Variants in RYR3 observed in about 807,000 individuals in gnomAD.
The protein encoded by RYR3 is brain ryanodine receptor-calcium release channel.
Under a neutral mutation model 584.3 loss-of-function variants are expected in RYR3, and 207 were observed. The observed-to-expected ratio is 0.35, with a 90% CI of 0.32 to 0.40. The LOEUF (loss-of-function observed/expected upper bound fraction) is 0.40, where lower values mean the gene tolerates loss of function less well. RYR3 is among the 10% of genes least tolerant of loss of function. The probability of loss-of-function intolerance (pLI) is 1.00; values close to 1 mark genes in which losing one functional copy is unlikely to be tolerated. For missense variants in RYR3, 5,616 were observed against 6,089.2 expected, an observed-to-expected ratio of 0.92 and a Z score of 2.59; for synonymous variants, 2,416 against 2,248.5, an observed-to-expected ratio of 1.07 and a Z score of -2.11.
Position 33,848,300 on chromosome 15 carries a change from G to T in RYR3, c.13507G>T (p.Val4503Leu). Residue 4503 changes from valine (V) to leucine (L), a missense_variant, in exon 94 of 104, where the codon GTG becomes TTG. Val to Leu is a conservative substitution (Grantham distance 32). Transcript: ENST00000634891. ...CTCCTCCCACTCCTAGGTGCCTTTG[G>T]TGGTTTTCAAAAGGGAAAAAGAAAT... ...VGYYCLKVPL[V>L]VFKREKEIAR... 6.2e-7 allele frequency: 1 copy of T among 1,613,614 alleles called. No homozygotes were observed. The highest frequency in any genetic ancestry group is 8.5e-7 in the Non-Finnish European group (1 of 1,179,888).
chr15:33,457,310 C>A (rs1282128653), intron 1 of RYR3, among the ~76,000 whole-genome samples: 1 of 152,182 alleles, frequency 6.6e-6, no homozygotes, highest in African/African-American at 2.4e-5. Context: ...TCTTATGCAA[C>A]ACTATCTACA....
At chr15:33,815,270 C>T (rs776758600) in intron 74 of RYR3, 4 of 152,138 alleles carry the variant, frequency 2.6e-5, no homozygotes, top group South Asian at 2.1e-4. Flanking sequence ...ATTCATAGCC[C>T]GTTAGAAAAA....
intron 30 of RYR3, among the ~76,000 whole-genome samples, chr15:33,647,854 T>C (rs2062190686): frequency 6.6e-6 from 1 of 152,148 alleles, no homozygotes; most frequent in Non-Finnish European, 1.5e-5. Flanking sequence ...CTAGGAGTGA[T>C]GTTAAAAGCA....
At chr15:33,746,202 C>T (rs944212279) in intron 53 of RYR3, 45 bp downstream of exon 53, 1 of 1,327,338 alleles carries the variant, frequency 7.5e-7, no homozygotes, top group Non-Finnish European at 1.1e-6. Flanking sequence ...ATGCTGTTTC[C>T]TTCCTTGAGT....
At chr15:33,543,589 C>T (rs779356037) in intron 7 of RYR3, 33 bp from the exon 8 acceptor site, 1 of 1,337,294 alleles carries the variant, frequency 7.5e-7, no homozygotes, top group East Asian at 2.3e-5. Context: ...TTAAACTTCC[C>T]ATCATTCACA....
intron 86 of RYR3, 122 bp downstream of exon 86, chr15:33,831,213 C>A (rs1399998181): frequency 4.1e-5 from 37 of 894,348 alleles, no homozygotes; most frequent in Admixed American, 7.0e-5. Flanking sequence ...CTAATGCTGA[C>A]AATTTTTATT....
At chr15:33,469,466 G>A (rs2048750581) in intron 1 of RYR3, among the ~76,000 whole-genome samples, 1 of 151,958 alleles carries the variant, frequency 6.6e-6, no homozygotes, top group Non-Finnish European at 1.5e-5. Context: ...TAATAGCCTT[G>A]TCTTGGTCTC....
At chr15:33,563,481 T>A (rs2057527178) in intron 11 of RYR3, among the ~76,000 whole-genome samples, 1 of 151,960 alleles carries the variant, frequency 6.6e-6, no homozygotes, top group Non-Finnish European at 1.5e-5. Flanking sequence ...ATCCACAGAG[T>A]GTATCTTGAT....
intron 1 of RYR3, among the ~76,000 whole-genome samples, chr15:33,330,686 T>C (rs569952638): frequency 7.9e-5 from 12 of 152,332 alleles, no homozygotes; most frequent in Middle Eastern, 3.4e-3. Context: ...TCGTTATTCA[T>C]GTAAGTGAAC....
chr15:33,756,585 A>C (rs1452288078), intron 59 of RYR3, among the ~76,000 whole-genome samples: 1 of 152,108 alleles, frequency 6.6e-6, no homozygotes, highest in Non-Finnish European at 1.5e-5. Context: ...CTGGGAACCC[A>C]GGTTCTTCCT....
chr15:33,500,629 A>G (rs1228559605), intron 2 of RYR3, among the ~76,000 whole-genome samples: 3 of 152,204 alleles, frequency 2.0e-5, no homozygotes, highest in Non-Finnish European at 2.9e-5. Context: ...AGATGTCAAC[A>G]GAGCCCTTCT....
At chr15:33,747,883 T>C (rs554709857) in intron 53 of RYR3, among the ~76,000 whole-genome samples, 1 of 152,342 alleles carries the variant, frequency 6.6e-6, no homozygotes, top group Admixed American at 6.5e-5. Flanking sequence ...ATTAATAATG[T>C]CTGGCACATT....
At chr15:33,441,178 C>T (rs74005625) in intron 1 of RYR3, among the ~76,000 whole-genome samples, 32 of 152,304 alleles carry the variant, frequency 2.1e-4, no homozygotes, top group African/African-American at 7.5e-4. Context: ...TCATTTCTTG[C>T]AATTGTGGTT....
At chr15:33,431,906 T>C (rs1322380858) in intron 1 of RYR3, among the ~76,000 whole-genome samples, 6 of 152,184 alleles carry the variant, frequency 3.9e-5, no homozygotes, top group African/African-American at 4.8e-5. Flanking sequence ...ACTGGGTAGT[T>C]TGTGGGGCCA....
intron 1 of RYR3, among the ~76,000 whole-genome samples, chr15:33,379,644 T>G (rs1179452233): frequency 1.1e-5 from 1 of 88,030 alleles, no homozygotes; most frequent in Non-Finnish European, 2.0e-5. Context: ...TTTATGTGTA[T>G]GTGTGTGTGT....
At chr15:33,845,302 G>A (rs1422489097) in intron 93 of RYR3, among the ~76,000 whole-genome samples, 1 of 152,142 alleles carries the variant, frequency 6.6e-6, no homozygotes, top group Non-Finnish European at 1.5e-5. Context: ...TCGCAGGCTG[G>A]AGTGCAGTGG....
At chr15:33,596,076 A>AG in intron 16 of RYR3, among the ~76,000 whole-genome samples, 1 of 46,244 alleles carries the variant, frequency 2.2e-5, no homozygotes, top group African/African-American at 7.5e-5. Flanking sequence ...TTTTCACCTC[A>AG]AAAAAAAAAG....
intron 1 of RYR3, among the ~76,000 whole-genome samples, chr15:33,441,490 A>G (rs1427294559): frequency 1.3e-5 from 2 of 152,158 alleles, no homozygotes; most frequent in African/African-American, 2.4e-5. Flanking sequence ...ATGAGGGAAG[A>G]TAGGTGGGGA....
chr15:33,466,324 C>T (rs962150993), intron 1 of RYR3, among the ~76,000 whole-genome samples: 10 of 152,126 alleles, frequency 6.6e-5, no homozygotes, highest in Non-Finnish European at 1.2e-4. Context: ...AAAATAGTAT[C>T]CTACAAGCCA....
Sources: gnomAD v4.1 joint callset for allele counts (sites outside exome capture counted in the v4.1 genomes callset) on GRCh38, gnomAD v4.1.1 for gene constraint, MANE v1.5 for transcripts, NCBI Gene and HGNC (gene_info 2026-07-23, HGNC 2026-07-21) for gene names.